Variants in DGKH observed in about 807,000 individuals in gnomAD.
DGKH encodes the protein DAG kinase eta.
Under a neutral mutation model 159.3 loss-of-function variants are expected in DGKH, and 90 were observed. The ratio of observed to expected loss-of-function variants is 0.57; its 90% CI spans 0.48 to 0.67. The LOEUF (loss-of-function observed/expected upper bound fraction) is 0.67, where lower values mean the gene tolerates loss of function less well. DGKH is among the 30% of genes least tolerant of loss of function. The pLI is 0.00. For missense variants in DGKH, 1,181 were observed against 1,506.1 expected (o/e 0.78, Z 3.57); for synonymous variants, 536 against 553.8 (o/e 0.97, Z 0.45).
intron 13 of DGKH, among the ~76,000 whole-genome samples, chr13:42,179,898 C>A (rs893649335): frequency 2.0e-5 from 3 of 152,014 alleles, no homozygotes; most frequent in Admixed American, 2.0e-4. Context: ...CTCTAATTAT[C>A]CTGTTTGCAT....
At chr13:42,108,459 G>C (rs1461380959) in intron 1 of DGKH, among the ~76,000 whole-genome samples, 1 of 152,144 alleles carries the variant, frequency 6.6e-6, no homozygotes, top group African/African-American at 2.4e-5. Flanking sequence ...AATTCATTTG[G>C]AATTCCGTAT....
At chr13:42,118,871 T>G (rs2137820209) in intron 1 of DGKH, among the ~76,000 whole-genome samples, 1 of 152,310 alleles carries the variant, frequency 6.6e-6, no homozygotes, top group Admixed American at 6.5e-5. Context: ...TTTAGAAAAT[T>G]ACACGCAAAA....
At chr13:42,046,289 A>T (rs2137627653), upstream of DGKH, among the ~76,000 whole-genome samples, 1 of 152,330 alleles carries the variant, frequency 6.6e-6, no homozygotes, top group Admixed American at 6.5e-5. Flanking sequence ...ACATGGTTGA[A>T]ATGGTTGGAA....
At chr13:42,139,084 C>T (rs1011562463) in intron 3 of DGKH, among the ~76,000 whole-genome samples, 4 of 152,126 alleles carry the variant, frequency 2.6e-5, no homozygotes, top group African/African-American at 9.7e-5. Context: ...TTTTCCAAGA[C>T]TAACCCAGAG....
intron 16 of DGKH, among the ~76,000 whole-genome samples, chr13:42,193,641 C>A (rs186123143): frequency 6.6e-6 from 1 of 152,058 alleles, no homozygotes; most frequent in African/African-American, 2.4e-5. Context: ...GTCATTAGTA[C>A]GCTCTCTGCT....
intron 14 of DGKH, among the ~76,000 whole-genome samples, chr13:42,188,443 A>G (rs1047642086): frequency 5.3e-5 from 8 of 152,182 alleles, no homozygotes; most frequent in Non-Finnish European, 1.2e-4. Flanking sequence ...TTGAGCCAAT[A>G]ATCCCTTAGG....
intron 1 of DGKH, among the ~76,000 whole-genome samples, chr13:42,077,176 C>T (rs1422380703): frequency 6.6e-6 from 1 of 151,942 alleles, no homozygotes; most frequent in African/African-American, 2.4e-5. Flanking sequence ...TAACATAGCC[C>T]CTGAGAGACT....
chr13:42,097,140 G>A (rs1350953499), intron 1 of DGKH, among the ~76,000 whole-genome samples: 1 of 152,024 alleles, frequency 6.6e-6, no homozygotes, highest in Non-Finnish European at 1.5e-5. Context: ...AATTCGTGTG[G>A]GTTTATTTTC....
chr13:42,191,562 C>T (rs778573437), intron 16 of DGKH, among the ~76,000 whole-genome samples: 1 of 152,118 alleles, frequency 6.6e-6, no homozygotes. Context: ...TTTTGGAGAG[C>T]TGACCATATC....
intron 20 of DGKH, among the ~76,000 whole-genome samples, chr13:42,204,696 T>C (rs1310223447): frequency 6.6e-6 from 1 of 152,234 alleles, no homozygotes; most frequent in African/African-American, 2.4e-5. Flanking sequence ...CGGGTTGGTC[T>C]TGGACCAGCT....
At chr13:42,079,645 TCTCA>T (rs1954163951) in intron 1 of DGKH, among the ~76,000 whole-genome samples, 1 of 152,220 alleles carries the variant, frequency 6.6e-6, no homozygotes, top group Non-Finnish European at 1.5e-5. Flanking sequence ...GATGAACTAT[TCTCA>T]CTCACGGAGT....
chr13:42,070,310 T>C (rs1242904824), intron 1 of DGKH: 2 of 1,325,096 alleles, frequency 1.5e-6, no homozygotes, highest in Non-Finnish European at 2.2e-6. Context: ...GGAATTACGC[T>C]GAGAAGCTCC....
chr13:42,244,624 G>A (rs1958562297), downstream of DGKH, among the ~76,000 whole-genome samples: 1 of 152,146 alleles, frequency 6.6e-6, no homozygotes, highest in Admixed American at 6.5e-5. Context: ...CAACATACTG[G>A]CCGGGCGCGG....
At chr13:42,090,824 G>A (rs1473651608) in intron 1 of DGKH, among the ~76,000 whole-genome samples, 1 of 152,158 alleles carries the variant, frequency 6.6e-6, no homozygotes, top group Non-Finnish European at 1.5e-5. Flanking sequence ...ATTGAGCCAT[G>A]GGGACAGAGC....
chr13:42,119,255 A>G (rs1216731052), intron 1 of DGKH, among the ~76,000 whole-genome samples: 1 of 152,240 alleles, frequency 6.6e-6, no homozygotes, highest in Non-Finnish European at 1.5e-5. Context: ...ACTGGACTGC[A>G]TATTTTAGGC....
At chr13:42,079,447 A>G (rs1174896415) in intron 1 of DGKH, among the ~76,000 whole-genome samples, 1 of 151,960 alleles carries the variant, frequency 6.6e-6, no homozygotes, top group African/African-American at 2.4e-5. Context: ...CTCATCATCC[A>G]TTCCCCTCCT....
chr13:42,138,254 G>A (rs1200011840), intron 3 of DGKH: 2 of 293,090 alleles, frequency 6.8e-6, no homozygotes, highest in East Asian at 1.7e-4. Flanking sequence ...AGACTGCTGG[G>A]CACTATGCTA....
intron 29 of DGKH, among the ~76,000 whole-genome samples, chr13:42,248,463 A>AATATATAATTTATATATAATATTAT (rs1243467813): frequency 1.4e-5 from 2 of 147,456 alleles, no homozygotes; most frequent in African/African-American, 2.5e-5. Flanking sequence ...ACATAAGTAT[A>AATATATAATTTATATATAATATTAT]ATATATAATT....
chr13:42,066,532 T>C (rs1293892377), intron 1 of DGKH: 1 of 152,234 alleles, frequency 6.6e-6, no homozygotes, highest in Non-Finnish European at 1.5e-5. Flanking sequence ...TCCTTATTCA[T>C]GGTTTCAGTA....
Sources: allele counts gnomAD v4.1 joint callset (sites outside exome capture counted in the v4.1 genomes callset), GRCh38; gene constraint gnomAD v4.1.1; transcripts MANE v1.5; gene names NCBI Gene and HGNC (gene_info 2026-07-23, HGNC 2026-07-21).